The following FAM149B1 variants were observed in gnomAD, a reference collection of about 807,000 sequenced individuals.
FAM149B1 encodes primary cilium assembly protein FAM149B1.
FAM149B1 carries 56 observed loss-of-function variants against 75.3 expected under a neutral mutation model. That is an observed-to-expected ratio of 0.74 (90% CI 0.60 to 0.93). The LOEUF (loss-of-function observed/expected upper bound fraction) is 0.93. Among genes scored for constraint, FAM149B1 ranks in the 40% least tolerant of loss-of-function variants. The pLI is 0.00. For missense variants in FAM149B1, 639 were observed against 708.4 expected, an observed-to-expected ratio of 0.90 and a Z score of 1.11; for synonymous variants, 259 against 256.1, an observed-to-expected ratio of 1.01 and a Z score of -0.11.
Position 73,234,739 on chromosome 10 carries a change from T to A in FAM149B1, c.1353-78T>A, listed in dbSNP as rs1003429334. ...ACATTAAACTCATCTGCTTCATTTA[T>A]CTGATTTCTAATCAATTTGCTGGTA... On this transcript the variant is annotated intron_variant, in intron 10 of 13. Coordinates refer to ENST00000242505, the MANE Select transcript of FAM149B1 (RefSeq NM_173348.2). 1.1e-4 allele frequency: 156 copies of A among 1,454,330 alleles called. 1 individual carries two copies. Among genetic ancestry groups the A allele is most frequent in the Non-Finnish European group, 1.4e-4 (148 of 1,075,024 alleles). 90.1% of individuals were successfully genotyped at this position (1,454,330 alleles called of 1,614,324 possible). A position where few individuals can be genotyped will look rare whatever the true frequency, so the allele number is the denominator to read the frequency against.
intron 5 of FAM149B1, among the ~76,000 whole-genome samples, chr10:73,196,270 C>G (rs2042802395): frequency 6.6e-6 from 1 of 151,754 alleles, no homozygotes; most frequent in African/African-American, 2.4e-5. Context: ...ATTAAAGAAC[C>G]AAGTTGGGTG....
intron 3 of FAM149B1, among the ~76,000 whole-genome samples, chr10:73,184,622 A>T (rs1324818838): frequency 6.6e-6 from 1 of 152,240 alleles, no homozygotes; most frequent in Non-Finnish European, 1.5e-5. Context: ...AACAACATAC[A>T]GTTGGGATAT....
chr10:73,171,691 C>G (rs1332173051), intron 1 of FAM149B1, among the ~76,000 whole-genome samples: 2 of 150,086 alleles, frequency 1.3e-5, no homozygotes, highest in Non-Finnish European at 3.0e-5. Context: ...TGTAGTAGTG[C>G]CATCTCGGCT....
chr10:73,190,460 A>G (rs74147509), intron 3 of FAM149B1, among the ~76,000 whole-genome samples: 4,073 of 151,888 alleles, frequency 0.027, 184 homozygotes, highest in African/African-American at 0.091. Context: ...GGTGTCGGCC[A>G]CCATCGCCAG....
rs2043952282 is a variant in FAM149B1, at chr10:73,241,523, T to A, written c.*504T>A. The A allele has an allele frequency of 6.2e-6, 1 of 161,372 alleles. No homozygotes were observed. The highest frequency in any genetic ancestry group is 2.4e-5 in the African/African-American group (1 of 41,562). 10.0% of individuals were successfully genotyped at this position (161,372 alleles called of 1,614,324 possible). A position where few individuals can be genotyped will look rare whatever the true frequency, so the allele number is the denominator to read the frequency against. On this transcript the variant is annotated 3_prime_UTR_variant, in exon 14 of 14. Coordinates refer to ENST00000242505, the MANE Select transcript of FAM149B1 (RefSeq NM_173348.2). ...TCATTCCTAAAACTCTCTTTAGATG[T>A]CCTACCCTATCAGCAGATTAAAATG...
At chr10:73,205,646 C>T (rs1047898038) in intron 5 of FAM149B1, among the ~76,000 whole-genome samples, 18 of 152,070 alleles carry the variant, frequency 1.2e-4, no homozygotes, top group Non-Finnish European at 1.2e-4. Flanking sequence ...CTCCGCCTCC[C>T]GGATTCAAGC....
intron 5 of FAM149B1, among the ~76,000 whole-genome samples, chr10:73,194,435 C>T (rs553045295): frequency 1.3e-5 from 2 of 152,098 alleles, no homozygotes; most frequent in East Asian, 3.9e-4. Context: ...CTGTCTCGCC[C>T]AGGCTGGAGT....
intron 3 of FAM149B1, among the ~76,000 whole-genome samples, chr10:73,188,977 T>G (rs1564687395): frequency 6.6e-6 from 1 of 152,028 alleles, no homozygotes; most frequent in African/African-American, 2.4e-5. Flanking sequence ...CCAGATCATT[T>G]GATCCCAAGT....
chr10:73,208,135 C>T (rs1037084921), intron 5 of FAM149B1, among the ~76,000 whole-genome samples: 1 of 152,140 alleles, frequency 6.6e-6, no homozygotes, highest in African/African-American at 2.4e-5. Flanking sequence ...ACTGTCTTTG[C>T]GATAGTGAGT....
chr10:73,241,079 A>C lies in FAM149B1; in HGVS notation c.*60A>C. 1 of 934,180 alleles carries C rather than the reference A, an allele frequency of 1.1e-6. No homozygotes were observed. Among genetic ancestry groups the C allele is most frequent in the Non-Finnish European group, 1.7e-6 (1 of 587,422 alleles). 57.9% of individuals were successfully genotyped at this position (934,180 alleles called of 1,614,324 possible). A position where few individuals can be genotyped will look rare whatever the true frequency, so the allele number is the denominator to read the frequency against. ...CACGAGATTTCATGAAGCAGTATTC[A>C]GTCATCAAGTGATGCAGAGCTTGTA... On this transcript the variant is annotated 3_prime_UTR_variant, in exon 14 of 14. Transcript: ENST00000242505.
At chr10:73,234,690 T>C in intron 10 of FAM149B1, 127 bp from the exon 11 acceptor site, 1 of 986,590 alleles carries the variant, frequency 1.0e-6, no homozygotes, top group Non-Finnish European at 1.5e-6. Flanking sequence ...CTTGAAAACA[T>C]AGGTAGCCTA....
intron 3 of FAM149B1, 109 bp downstream of exon 3, chr10:73,178,084 T>A: frequency 9.0e-7 from 1 of 1,116,948 alleles, no homozygotes; most frequent in Non-Finnish European, 1.2e-6. Flanking sequence ...TCTTTACATT[T>A]ATCATACTTC....
intron 7 of FAM149B1, among the ~76,000 whole-genome samples, chr10:73,224,940 G>A (rs1369742748): frequency 1.3e-5 from 2 of 152,178 alleles, no homozygotes; most frequent in African/African-American, 4.8e-5. Context: ...TTTGGTCAAT[G>A]TTGGACCACA....
chr10:73,239,417 T>C (rs1461849992), intron 13 of FAM149B1, 33 bp downstream of exon 13: 7 of 1,495,944 alleles, frequency 4.7e-6, no homozygotes, highest in Non-Finnish European at 6.4e-6. Flanking sequence ...TATTTACTAC[T>C]GTGTGGTTGT....
At chr10:73,237,252 AACTC>A (rs2043842261) in intron 12 of FAM149B1, among the ~76,000 whole-genome samples, 2 of 152,182 alleles carry the variant, frequency 1.3e-5, no homozygotes, top group South Asian at 4.1e-4. Context: ...CTTAGGGAGA[AACTC>A]ACCAAAAACA....
At chr10:73,217,878 A>G (rs905562289) in intron 7 of FAM149B1, among the ~76,000 whole-genome samples, 3 of 152,200 alleles carry the variant, frequency 2.0e-5, no homozygotes, top group African/African-American at 7.2e-5. Flanking sequence ...CCCACATGCA[A>G]AATACATTCA....
Position 73,235,280 on chromosome 10 carries a change from G to A in FAM149B1, c.1564G>A (p.Asp522Asn), listed in dbSNP as rs749889560. 93 of 1,551,924 alleles carry A rather than the reference G, an allele frequency of 6.0e-5. No individual in the cohort carries two copies. Among genetic ancestry groups the A allele is most frequent in the Admixed American group, 4.3e-4 (22 of 50,976 alleles). ...QQPQERLLLP[D>N]FFPRPNTTQS... ...GCCACAAGAAAGGCTCCTTTTGCCC[G>A]ACTTTTTCCCCAGGCCCAACACAAC... The change falls in exon 12 of 14, where the codon GAC (aspartate) becomes AAC (asparagine). Residue 522 changes from aspartate (D) to asparagine (N), a missense_variant. Asp to Asn is a conservative substitution (Grantham distance 23). Transcript: ENST00000242505.
Position 73,182,138 on chromosome 10 carries a change from A to G in FAM149B1, c.282+4163A>G, listed in dbSNP as rs572056349. Among the ~76,000 whole-genome samples the G allele has an allele frequency of 2.0e-5, 3 of 149,036 alleles. No homozygotes were observed. The South Asian group carries it at 6.4e-4, about 32-fold the overall frequency. ...TTATTTTCAGTCTGTATGTGTCTTT[A>G]TAGGTGAAGTGTGTTTCTTGTAGGC... On this transcript the variant is annotated intron_variant, in intron 3 of 13. Transcript: ENST00000242505.
chr10:73,212,188 A>G (rs2043198648), intron 7 of FAM149B1, among the ~76,000 whole-genome samples: 1 of 152,212 alleles, frequency 6.6e-6, no homozygotes, highest in African/African-American at 2.4e-5. Flanking sequence ...GTAGTAGTCC[A>G]TTTTATTTAT....
Sources: allele counts gnomAD v4.1 joint callset (sites outside exome capture counted in the v4.1 genomes callset), GRCh38; gene constraint gnomAD v4.1.1; transcripts MANE v1.5; gene names NCBI Gene and HGNC (gene_info 2026-07-23, HGNC 2026-07-21).